KCNQ5: variants seen among roughly 807,000 people sequenced by gnomAD.
The protein encoded by KCNQ5 is potassium voltage-gated channel subfamily KQT member 5.
Under a neutral mutation model 98.2 loss-of-function variants are expected in KCNQ5, and 30 were observed. The observed-to-expected ratio is 0.31, with a 90% CI of 0.23 to 0.41. The LOEUF is 0.41. KCNQ5 is among the 10% of genes least tolerant of loss of function. The pLI, the probability that KCNQ5 is intolerant of heterozygous loss-of-function variation, is 1.00. For synonymous variants in KCNQ5, 458 were observed against 449.4 expected (o/e 1.02, Z -0.24); for missense variants, 835 against 1,182.5 (o/e 0.71, Z 4.31).
chr6:72,690,904 A>G (rs1333186565), intron 1 of KCNQ5, among the ~76,000 whole-genome samples: 1 of 152,018 alleles, frequency 6.6e-6, no homozygotes, highest in Non-Finnish European at 1.5e-5. Flanking sequence ...AAATAATGAA[A>G]ATTATATTTA....
At chr6:73,184,575 A>T (rs1778503416) in intron 11 of KCNQ5, among the ~76,000 whole-genome samples, 1 of 152,222 alleles carries the variant, frequency 6.6e-6, no homozygotes, top group Non-Finnish European at 1.5e-5. Context: ...CTTGCCAGGG[A>T]TTATGCAGAT....
intron 13 of KCNQ5, among the ~76,000 whole-genome samples, chr6:73,192,961 A>G (rs1259021711): frequency 6.6e-6 from 1 of 152,040 alleles, no homozygotes; most frequent in Non-Finnish European, 1.5e-5. Flanking sequence ...AAAAATAACA[A>G]AGATCTATTC....
intron 1 of KCNQ5, among the ~76,000 whole-genome samples, chr6:72,789,747 G>A (rs1052321740): frequency 6.6e-6 from 1 of 152,114 alleles, no homozygotes; most frequent in African/African-American, 2.4e-5. Context: ...TCACACAGCT[G>A]GTGAGTGGCA....
chr6:72,755,147 A>T (rs925342741), intron 1 of KCNQ5, among the ~76,000 whole-genome samples: 2 of 152,024 alleles, frequency 1.3e-5, no homozygotes, highest in Non-Finnish European at 2.9e-5. Flanking sequence ...ATAGTAATAC[A>T]GTCACTCCAG....
intron 1 of KCNQ5, among the ~76,000 whole-genome samples, chr6:72,710,371 T>G (rs917439239): frequency 6.6e-6 from 1 of 152,126 alleles, no homozygotes; most frequent in African/African-American, 2.4e-5. Flanking sequence ...TCAAAAGGCA[T>G]AGAGTGGATG....
chr6:73,149,681 C>A (rs941729840), intron 10 of KCNQ5, among the ~76,000 whole-genome samples: 1 of 151,964 alleles, frequency 6.6e-6, no homozygotes, highest in African/African-American at 2.4e-5. Context: ...CCTGTAATCC[C>A]CGCTACTCAG....
intron 10 of KCNQ5, among the ~76,000 whole-genome samples, chr6:73,152,937 C>T (rs1777212921): frequency 6.6e-6 from 1 of 152,048 alleles, no homozygotes; most frequent in Non-Finnish European, 1.5e-5. Flanking sequence ...CACTTAATAC[C>T]CCAGCTTTTG....
intron 1 of KCNQ5, among the ~76,000 whole-genome samples, chr6:72,794,941 C>T (rs1774250615): frequency 6.6e-6 from 1 of 152,134 alleles, no homozygotes; most frequent in African/African-American, 2.4e-5. Flanking sequence ...GGTCACCTGA[C>T]TAAGAAGTCC....
intron 5 of KCNQ5, among the ~76,000 whole-genome samples, chr6:73,094,175 T>A (rs2350367): frequency 0.87 from 132,280 of 151,778 alleles, 58,343 homozygotes; most frequent in South Asian, 0.96. Flanking sequence ...TTGTCTTTTT[T>A]AACTGCTGTT....
intron 9 of KCNQ5, among the ~76,000 whole-genome samples, chr6:73,132,164 G>A (rs183182503): frequency 9.9e-5 from 15 of 152,230 alleles, no homozygotes; most frequent in Non-Finnish European, 2.9e-5. Flanking sequence ...TGGACATTGC[G>A]GTAAGTGGAC....
chr6:72,748,649 T>C (rs1771525086), intron 1 of KCNQ5, among the ~76,000 whole-genome samples: 1 of 152,120 alleles, frequency 6.6e-6, no homozygotes, highest in South Asian at 2.1e-4. Flanking sequence ...AAAATGCGTT[T>C]AATAACTACT....
intron 1 of KCNQ5, among the ~76,000 whole-genome samples, chr6:72,730,161 T>C (rs1770487612): frequency 6.6e-6 from 1 of 152,246 alleles, no homozygotes; most frequent in South Asian, 2.1e-4. Flanking sequence ...TGTCACTATA[T>C]AAAGAAAGAA....
intron 1 of KCNQ5, among the ~76,000 whole-genome samples, chr6:72,748,830 A>G (rs1225709024): frequency 6.6e-6 from 1 of 152,168 alleles, no homozygotes; most frequent in African/African-American, 2.4e-5. Context: ...AAGCCCAAGT[A>G]TTGCATTTAG....
chr6:72,915,763 T>C lies in KCNQ5; in HGVS notation c.399-88145T>C, dbSNP rs118075142. Among the ~76,000 whole-genome samples the C allele has an allele frequency of 9.6e-4, 146 of 152,204 alleles. 2 individuals carry two copies. The highest frequency in any genetic ancestry group is 1.8e-3 in the Non-Finnish European group (121 of 68,018). On this transcript the variant is annotated intron_variant, in intron 1 of 13. Transcript: ENST00000370398. Reference sequence around the variant, plus strand: ...TGTCAAAAAAAAAATTTCCAACCAATAGAAAATGACAAGTGCATTTATTGT... The same window carrying C: ...TGTCAAAAAAAAAATTTCCAACCAACAGAAAATGACAAGTGCATTTATTGT...
At chr6:72,652,168 G>A (rs549339271) in intron 1 of KCNQ5, among the ~76,000 whole-genome samples, 126 of 150,976 alleles carry the variant, frequency 8.3e-4, no homozygotes, top group Non-Finnish European at 1.5e-3. Context: ...AATATTCTCC[G>A]GGACATTGAA....
intron 10 of KCNQ5, among the ~76,000 whole-genome samples, chr6:73,158,714 C>G (rs1365834453): frequency 2.0e-5 from 3 of 152,126 alleles, no homozygotes; most frequent in Non-Finnish European, 4.4e-5. Flanking sequence ...TGCACTAGTA[C>G]AGCTAATTTT....
At chr6:72,901,129 C>T (rs1458304589) in intron 1 of KCNQ5, among the ~76,000 whole-genome samples, 1 of 124,640 alleles carries the variant, frequency 8.0e-6, no homozygotes, top group African/African-American at 3.0e-5. Flanking sequence ...CTCCCCCCTC[C>T]CCCCTCCCCC....
intron 3 of KCNQ5, among the ~76,000 whole-genome samples, chr6:73,064,950 G>A (rs1277653433): frequency 1.3e-5 from 2 of 151,232 alleles, no homozygotes; most frequent in Admixed American, 6.6e-5. Flanking sequence ...ACCTCCTTCA[G>A]TCTGTAACCC....
rs563376473 is a variant in KCNQ5 at position 72,865,612 on chromosome 6, G to A, written c.399-138296G>A. ...TCCAGAAAACCAGCACCACTGAGACGCCAGCTGGAGACATGTCACGAAAAC... is the reference window on the plus strand; with the variant it reads ...TCCAGAAAACCAGCACCACTGAGACACCAGCTGGAGACATGTCACGAAAAC... On this transcript the variant is annotated intron_variant, in intron 1 of 13. Transcript: ENST00000370398. Among the ~76,000 whole-genome samples the A allele has an allele frequency of 5.9e-5, 9 of 152,246 alleles. 1 individual carries two copies. The highest frequency in any genetic ancestry group is 2.0e-4 in the Admixed American group (3 of 15,302).
Sources: allele counts gnomAD v4.1 joint callset (sites outside exome capture counted in the v4.1 genomes callset), GRCh38; gene constraint gnomAD v4.1.1; transcripts MANE v1.5; gene names NCBI Gene and HGNC (gene_info 2026-07-23, HGNC 2026-07-21).